The following SPRYD7 variants were observed in gnomAD, a reference collection of about 807,000 sequenced individuals.
SPRYD7 encodes SPRY domain-containing protein 7.
SPRYD7 carries 14 observed loss-of-function variants against 23.8 expected under a neutral mutation model. That is an observed-to-expected ratio of 0.59 (90% CI 0.39 to 0.92). SPRYD7 has a LOEUF of 0.92. Ranked by LOEUF, SPRYD7 falls within the 40% of genes least tolerant of loss-of-function variation. SPRYD7 has a pLI of 0.00. For synonymous variants in SPRYD7, 75 were observed against 84.9 expected (o/e 0.88, Z 0.64); for missense variants, 194 against 241.7 (o/e 0.80, Z 1.31).
At chr13:49,918,568 CG>C (rs1334821835) in intron 4 of SPRYD7, among the ~76,000 whole-genome samples, 1 of 150,648 alleles carries the variant, frequency 6.6e-6, no homozygotes, top group Non-Finnish European at 1.5e-5. Context: ...CCACCACACA[CG>C]GTTTCACCAT....
intron 1 of SPRYD7, among the ~76,000 whole-genome samples, chr13:49,933,215 C>T (rs1285451333): frequency 6.6e-6 from 1 of 152,214 alleles, no homozygotes; most frequent in Non-Finnish European, 1.5e-5. Context: ...GTGCCCTCCA[C>T]ATTTCTTGGC....
At position 49,927,960 on chromosome 13, in the gene SPRYD7, T is replaced by G; in HGVS notation, c.349A>C (p.Arg117=). Residue 117 remains arginine (R), a synonymous_variant, in exon 3 of 5, where the codon AGG becomes CGG. Coordinates refer to ENST00000361840, the MANE Select transcript of SPRYD7 (RefSeq NM_020456.4). ...TGCGGAAGACTGTTTGCTGGCAGCCTATTTTTCTCTTCATTGTTGTGGTAA... is the reference window on the plus strand; with the variant it reads ...TGCGGAAGACTGTTTGCTGGCAGCCGATTTTTCTCTTCATTGTTGTGGTAA... ...ALYHNNEEKN[R]LPANSLPQEG... 1.2e-6 allele frequency: 2 copies of G among 1,614,238 alleles called. No individual in the cohort carries two copies. Among genetic ancestry groups the G allele is most frequent in the Non-Finnish European group, 1.7e-6 (2 of 1,180,040 alleles).
intron 3 of SPRYD7, among the ~76,000 whole-genome samples, chr13:49,925,131 G>A (rs1955867026): frequency 6.6e-6 from 1 of 151,836 alleles, no homozygotes. Flanking sequence ...GGTGGCTCAT[G>A]CCTGTAATCC....
chr13:49,928,827 G>A (rs979285625), intron 2 of SPRYD7, among the ~76,000 whole-genome samples: 1 of 152,086 alleles, frequency 6.6e-6, no homozygotes, highest in African/African-American at 2.4e-5. Context: ...AAATGGCCTG[G>A]AGTTCAATTT....
chr13:49,917,932 T>C (rs1020019248), intron 4 of SPRYD7, among the ~76,000 whole-genome samples: 8 of 152,242 alleles, frequency 5.3e-5, no homozygotes, highest in Non-Finnish European at 1.2e-4. Context: ...AGAAGGCTAA[T>C]GAAAACCTTA....
chr13:49,925,031 T>A (rs1955865779), intron 3 of SPRYD7, among the ~76,000 whole-genome samples: 1 of 146,828 alleles, frequency 6.8e-6, no homozygotes, highest in Admixed American at 6.9e-5. Flanking sequence ...TAATAATACC[T>A]ATTTCAAAGG....
chr13:49,927,315 C>A (rs183785776), intron 3 of SPRYD7, among the ~76,000 whole-genome samples: 5 of 151,740 alleles, frequency 3.3e-5, no homozygotes, highest in African/African-American at 4.8e-5. Flanking sequence ...GCCAACATGG[C>A]GAAACCCCGT....
At chr13:49,933,570 C>A (rs1008360184) in intron 1 of SPRYD7, among the ~76,000 whole-genome samples, 1 of 150,098 alleles carries the variant, frequency 6.7e-6, no homozygotes, top group Non-Finnish European at 1.5e-5. Flanking sequence ...CCACTGCACT[C>A]CAGCCTGGGC....
intron 3 of SPRYD7, among the ~76,000 whole-genome samples, 173 bp from the exon 4 acceptor site, chr13:49,921,753 A>C (rs1955824179): frequency 6.6e-6 from 1 of 152,210 alleles, no homozygotes; most frequent in South Asian, 2.1e-4. Context: ...AGTGATTATG[A>C]GGGGGGATAA....
Position 49,913,328 on chromosome 13 carries a change from G to A in SPRYD7, c.*1735C>T, listed in dbSNP as rs1417088528. On this transcript the variant is annotated 3_prime_UTR_variant, in exon 5 of 5. Coordinates refer to ENST00000361840, the MANE Select transcript of SPRYD7 (RefSeq NM_020456.4). Reference sequence around the variant, plus strand: ...CCACCTACTCGGGAGGCTGAGGCAAGAGAATCGCTTAAACCTGGGAAGCAG... The same window carrying A: ...CCACCTACTCGGGAGGCTGAGGCAAAAGAATCGCTTAAACCTGGGAAGCAG... 6.6e-6 allele frequency: 1 copy of A among 150,584 alleles called. No homozygotes were observed. The highest frequency in any genetic ancestry group is 2.4e-5 in the African/African-American group (1 of 40,980). The allele number at this position is 150,584 out of a possible 1,614,324, so 9.3% of individuals were successfully genotyped here. A position where few individuals can be genotyped will look rare whatever the true frequency, so the allele number is the denominator to read the frequency against.
chr13:49,915,994 A>G (rs1348776018), intron 4 of SPRYD7, among the ~76,000 whole-genome samples: 2 of 152,236 alleles, frequency 1.3e-5, no homozygotes, highest in African/African-American at 4.8e-5. Context: ...AATATGGGCT[A>G]ATCTGTAGTG....
intron 1 of SPRYD7, among the ~76,000 whole-genome samples, chr13:49,934,555 CAA>C (rs889803067): frequency 5.5e-5 from 3 of 54,388 alleles, no homozygotes; most frequent in African/African-American, 1.3e-4. Context: ...AACTCCGTCT[CAA>C]AAAAAAAAAA....
At chr13:49,919,419 T>C (rs1167806959) in intron 4 of SPRYD7, among the ~76,000 whole-genome samples, 1 of 152,012 alleles carries the variant, frequency 6.6e-6, no homozygotes, top group Non-Finnish European at 1.5e-5. Context: ...TGGTGCGTGC[T>C]TGTAGTCCCA....
intron 1 of SPRYD7, among the ~76,000 whole-genome samples, chr13:49,931,959 G>A (rs1444435026): frequency 6.6e-6 from 1 of 152,174 alleles, no homozygotes; most frequent in Non-Finnish European, 1.5e-5. Flanking sequence ...GCAGTTTCAA[G>A]TAAACTGCAA....
intron 1 of SPRYD7, among the ~76,000 whole-genome samples, chr13:49,933,318 T>A (rs1451665377): frequency 1.3e-5 from 2 of 152,112 alleles, no homozygotes; most frequent in African/African-American, 4.8e-5. Context: ...ATAACACTCT[T>A]GGCCAGGCGA....
At chr13:49,929,955 G>A (rs1955928879) in intron 2 of SPRYD7, among the ~76,000 whole-genome samples, 2 of 151,864 alleles carry the variant, frequency 1.3e-5, no homozygotes, top group Admixed American at 1.3e-4. Context: ...ATGCCTGGAT[G>A]ATTTTTGTAT....
At chr13:49,925,759 C>G (rs1202608432) in intron 3 of SPRYD7, among the ~76,000 whole-genome samples, 1 of 151,554 alleles carries the variant, frequency 6.6e-6, no homozygotes, top group Non-Finnish European at 1.5e-5. Context: ...TTGCAGTGAG[C>G]CAAGATAGCG....
At chr13:49,926,870 A>G (rs1390711852) in intron 3 of SPRYD7, among the ~76,000 whole-genome samples, 1 of 152,192 alleles carries the variant, frequency 6.6e-6, no homozygotes. Context: ...TTCTAAATCA[A>G]TGGCCTGACC....
At chr13:49,931,203 G>C in intron 1 of SPRYD7, 69 bp from the exon 2 acceptor site, 1 of 1,043,926 alleles carries the variant, frequency 9.6e-7, no homozygotes, top group South Asian at 1.4e-5. Context: ...TTTTTGAGAC[G>C]GAGTCTTGCT....
Sources: allele counts gnomAD v4.1 joint callset (sites outside exome capture counted in the v4.1 genomes callset), GRCh38; gene constraint gnomAD v4.1.1; transcripts MANE v1.5; gene names NCBI Gene and HGNC (gene_info 2026-07-23, HGNC 2026-07-21).